The following NUP153 variants were observed in gnomAD, a reference collection of about 807,000 sequenced individuals.
NUP153 encodes the protein nuclear pore complex protein Nup153.
Under a neutral mutation model 134.6 loss-of-function variants are expected in NUP153, and 27 were observed. The ratio of observed to expected loss-of-function variants is 0.20; its 90% CI spans 0.15 to 0.28. NUP153 has a LOEUF of 0.28. NUP153 is among the 10% of genes least tolerant of loss of function. The pLI, the probability that NUP153 is intolerant of heterozygous loss-of-function variation, is 1.00. For synonymous variants in NUP153, 640 were observed against 623.5 expected (o/e 1.03, Z -0.40); for missense variants, 1,821 against 1,731.3 (o/e 1.05, Z -0.92).
At chr6:17,687,792 CT>C (rs1449705548) in intron 2 of NUP153, among the ~76,000 whole-genome samples, 1 of 152,052 alleles carries the variant, frequency 6.6e-6, no homozygotes, top group African/African-American at 2.4e-5. Context: ...ATAAATTGGG[CT>C]TCATCGAAAT....
At chr6:17,661,936 C>A in intron 10 of NUP153, 82 bp downstream of exon 10, 2 of 1,280,868 alleles carry the variant, frequency 1.6e-6, no homozygotes, top group Non-Finnish European at 2.2e-6. Flanking sequence ...TGATTTTAAT[C>A]TTCAAAAAGG....
intron 14 of NUP153, among the ~76,000 whole-genome samples, chr6:17,642,702 T>C (rs771900294): frequency 3.2e-4 from 48 of 152,270 alleles, no homozygotes; most frequent in Middle Eastern, 3.4e-3. Context: ...TGAAAAAGCA[T>C]TGAAACCAGT....
rs1301713060 is a variant in NUP153 at position 17,615,902 on chromosome 6, C to CTATT, written c.*191_*194dup. On this transcript the variant is annotated 3_prime_UTR_variant, in exon 22 of 22. Coordinates refer to ENST00000262077, the MANE Select transcript of NUP153 (RefSeq NM_005124.4). The surrounding 1 kb of genome is among the most constrained non-coding windows in gnomAD (Gnocchi z 5.7). ...GCTGAAGAATCAGTCACCAGTCTAG[C>CTATT]TATTTATTTATTTAAAAAAGGGTGG... 3 of 513,270 alleles carry CTATT rather than the reference C, an allele frequency of 5.8e-6. No homozygotes were observed. Among genetic ancestry groups the CTATT allele is most frequent in the South Asian group, 5.9e-5 (2 of 33,712 alleles). 31.8% of individuals were successfully genotyped at this position (513,270 alleles called of 1,614,324 possible). A position where few individuals can be genotyped will look rare whatever the true frequency, so the allele number is the denominator to read the frequency against.
In NUP153 at chr6:17,706,231, C is replaced by G; in HGVS notation, c.111+46G>C. ...CCTCGAACCGCCCGTCCCCTCCAGC[C>G]GAGTTTCCCCACCCGCCAGGCCACC... On this transcript the variant is annotated intron_variant, in intron 1 of 21. Coordinates refer to ENST00000262077, the MANE Select transcript of NUP153 (RefSeq NM_005124.4). This position sits in a 1 kb window ranked among gnomAD's most constrained non-coding sequence, Gnocchi z 5.9. The G allele has an allele frequency of 1.3e-6, 2 of 1,501,232 alleles. No homozygotes were observed. The highest frequency in any genetic ancestry group is 1.9e-6 in the Non-Finnish European group (2 of 1,079,530). 93.0% of individuals were successfully genotyped at this position (1,501,232 alleles called of 1,614,324 possible).
chr6:17,645,362 T>C (rs372418341), intron 14 of NUP153, among the ~76,000 whole-genome samples: 4 of 152,044 alleles, frequency 2.6e-5, no homozygotes, highest in African/African-American at 9.7e-5. Context: ...AGTGCAATCA[T>C]AGCTCACTGT....
rs1249078043 is a variant in NUP153 at position 17,679,093 on chromosome 6, TACA to T, written c.335-3326_335-3324del. Among the ~76,000 whole-genome samples, 3 of 151,890 alleles carry T rather than the reference TACA, an allele frequency of 2.0e-5. No homozygotes were observed. The East Asian group carries it at 5.8e-4, about 29-fold the overall frequency. On this transcript the variant is annotated intron_variant, in intron 2 of 21. Coordinates refer to ENST00000262077, the MANE Select transcript of NUP153 (RefSeq NM_005124.4). ...CAACAAACTAAGACTAGAACGAAACTACAACATAATAAAGTAAAAAAACATGTT... is the reference window on the plus strand; with the variant it reads ...CAACAAACTAAGACTAGAACGAAACTACATAATAAAGTAAAAAAACATGTT...
rs546766286 is a variant in NUP153 at position 17,638,685 on chromosome 6, T to TC, written c.1847-916dup. On this transcript the variant is annotated intron_variant, in intron 15 of 21. Transcript: ENST00000262077. The surrounding 1 kb of genome is among the most constrained non-coding windows in gnomAD (Gnocchi z 4.0). ...CCTAATTTCAGTCAAATGAAGATTC[T>TC]CCCCAAACATTTCCTATTTAAGAAG... 2.0e-5 allele frequency among the ~76,000 whole-genome samples: 3 copies of TC among 152,346 alleles called. No homozygotes were observed. In the South Asian group the frequency reaches 6.2e-4, roughly 32 times the overall value.
At chr6:17,616,954 G>A (rs1218704887) in intron 20 of NUP153, among the ~76,000 whole-genome samples, 1 of 152,176 alleles carries the variant, frequency 6.6e-6, no homozygotes, top group Non-Finnish European at 1.5e-5. Context: ...GTTTCACCAT[G>A]TTGGCCAGGA....
At position 17,638,372 on chromosome 6, in the gene NUP153, CACA is replaced by C. The variant is rs1254156080; in HGVS notation, c.1847-605_1847-603del. 6.6e-6 allele frequency among the ~76,000 whole-genome samples: 1 copy of C among 152,200 alleles called. No homozygotes were observed. Among genetic ancestry groups the C allele is most frequent in the Non-Finnish European group, 1.5e-5 (1 of 68,044 alleles). The stretch of plus-strand genomic sequence containing the variant: ...AGGACCAGTTAACTTTTGTCTTACA[CACA>C]ACACCACCATCTGTGATCTGTTTCT... On this transcript the variant is annotated intron_variant, in intron 15 of 21. Transcript: ENST00000262077. The surrounding 1 kb of genome is among the most constrained non-coding windows in gnomAD (Gnocchi z 4.0).
In NUP153 at chr6:17,688,714, G is replaced by A. The variant is rs1769096440; in HGVS notation, c.112-96C>T. The A allele has an allele frequency of 3.3e-6, 3 of 913,484 alleles. No homozygotes were observed. The South Asian group carries it at 4.9e-5, about 15-fold the overall frequency. The allele number at this position is 913,484 out of a possible 1,614,324, so 56.6% of individuals were successfully genotyped here. On this transcript the variant is annotated intron_variant, in intron 1 of 21. Coordinates refer to ENST00000262077, the MANE Select transcript of NUP153 (RefSeq NM_005124.4). ...AAAGCCAGGCCAAGCAAAACACAAT[G>A]GTGTCCAACAAGTTTGCCAAAATTC...
At chr6:17,652,736 C>T (rs1766574724) in intron 11 of NUP153, among the ~76,000 whole-genome samples, 1 of 152,090 alleles carries the variant, frequency 6.6e-6, no homozygotes. Context: ...AGTAAGAAGA[C>T]AGCTGGCTGG....
intron 5 of NUP153, among the ~76,000 whole-genome samples, chr6:17,672,917 T>C (rs1185775630): frequency 2.0e-5 from 3 of 151,986 alleles, no homozygotes; most frequent in Admixed American, 1.3e-4. Flanking sequence ...AGGCATAAAT[T>C]AAAACCTAAA....
intron 9 of NUP153, among the ~76,000 whole-genome samples, chr6:17,663,147 T>C (rs1450060291): frequency 6.6e-6 from 1 of 151,720 alleles, no homozygotes; most frequent in Admixed American, 6.6e-5. Flanking sequence ...GAGAAAAAGA[T>C]AGAGCAAATG....
chr6:17,671,358 TAA>T (rs1767898438), intron 5 of NUP153, among the ~76,000 whole-genome samples: 2 of 152,204 alleles, frequency 1.3e-5, no homozygotes, highest in African/African-American at 4.8e-5. Flanking sequence ...CTACTATACA[TAA>T]GAGTTTGTGT....
chr6:17,647,950 A>C, intron 12 of NUP153, 45 bp from the exon 13 acceptor site: 2 of 1,198,340 alleles, frequency 1.7e-6, no homozygotes, highest in Non-Finnish European at 2.5e-6. Context: ...AGAGCTTTTT[A>C]GAAAAATAAA....
chr6:17,701,957 ACCACC>A (rs1187450666), intron 1 of NUP153, among the ~76,000 whole-genome samples: 14 of 150,294 alleles, frequency 9.3e-5, no homozygotes, highest in Non-Finnish European at 2.1e-4. Flanking sequence ...TACTACCCAC[ACCACC>A]CCACCCCACC....
chr6:17,664,596 C>T (rs990276197), intron 9 of NUP153, among the ~76,000 whole-genome samples: 6 of 152,094 alleles, frequency 3.9e-5, no homozygotes, highest in African/African-American at 1.4e-4. Flanking sequence ...TTAGGAGATG[C>T]ATATCAAAGT....
intron 16 of NUP153, among the ~76,000 whole-genome samples, chr6:17,636,021 A>G (rs543468755): frequency 1.3e-5 from 2 of 152,148 alleles, no homozygotes; most frequent in Non-Finnish European, 2.9e-5. Flanking sequence ...ACCAGATGGG[A>G]AGACAAAAAT....
chr6:17,682,216 G>A (rs1419576763), intron 2 of NUP153, among the ~76,000 whole-genome samples: 1 of 151,968 alleles, frequency 6.6e-6, no homozygotes, highest in African/African-American at 2.4e-5. Context: ...ACAGCATTAT[G>A]ACAATAAAAA....
Sources: allele counts gnomAD v4.1 joint callset (sites outside exome capture counted in the v4.1 genomes callset), GRCh38; gene constraint gnomAD v4.1.1; non-coding constraint Gnocchi (gnomAD v3.1); transcripts MANE v1.5; gene names NCBI Gene and HGNC (gene_info 2026-07-23, HGNC 2026-07-21).